Variants in WBP11 observed in about 807,000 individuals in gnomAD.
WBP11 encodes the protein WW domain binding protein 11.
In WBP11, 12 loss-of-function variants were observed where a neutral mutation model predicts 66.7. The ratio of observed to expected loss-of-function variants is 0.18; its 90% confidence interval spans 0.12 to 0.29. The LOEUF is 0.29. Ranked by LOEUF, WBP11 falls within the 10% of genes least tolerant of loss-of-function variation. WBP11 has a pLI of 1.00. For missense variants in WBP11, 555 were observed against 818.3 expected (o/e 0.68, Z 3.93); for synonymous variants, 255 against 273.8 (o/e 0.93, Z 0.68).
Position 14,789,092 on chromosome 12 carries a change from G to A in WBP11, c.1351C>T (p.Arg451Ter), listed in dbSNP as rs1435372400. Residue 451 changes from arginine to a stop codon, truncating the protein, a stop_gained, in exon 11 of 12, where the codon CGA becomes TGA. Coordinates refer to ENST00000261167, the MANE Select transcript of WBP11 (RefSeq NM_016312.3). LOFTEE classifies it high-confidence loss of function. ...FLRPPGMPGL[R>*]GPLPRLLPPG... ...GGTAAAAGTCGGGGTAAGGGCCCTC[G>A]GAGTCCTGGCATTCCAGGTGGTCTC... The A allele has an allele frequency of 6.6e-7, 1 of 1,525,006 alleles. No homozygotes were observed. The highest frequency in any genetic ancestry group is 8.7e-7 in the Non-Finnish European group (1 of 1,148,514). The allele number at this position is 1,525,006 out of a possible 1,614,324, so 94.5% of individuals were successfully genotyped here.
intron 8 of WBP11, among the ~76,000 whole-genome samples, chr12:14,792,786 T>C (rs947743401): frequency 6.6e-6 from 1 of 151,376 alleles, no homozygotes; most frequent in Non-Finnish European, 1.5e-5. Context: ...TGAGCTGAGA[T>C]TGTGCCATTG....
At chr12:14,789,715 G>A (rs1949799099) in intron 10 of WBP11, among the ~76,000 whole-genome samples, 1 of 152,186 alleles carries the variant, frequency 6.6e-6, no homozygotes. Context: ...ATACAAAGGT[G>A]ATAAGAATTC....
At chr12:14,787,624 G>A in intron 11 of WBP11, 126 bp from the exon 12 acceptor site, 1 of 856,100 alleles carries the variant, frequency 1.2e-6, no homozygotes, top group Non-Finnish European at 1.6e-6. Flanking sequence ...AAAATAAGCT[G>A]AATTCATATT....
chr12:14,795,329 CTCT>C (rs1949880161), intron 5 of WBP11, among the ~76,000 whole-genome samples: 1 of 152,068 alleles, frequency 6.6e-6, no homozygotes, highest in South Asian at 2.1e-4. Context: ...TTTTTTTCTC[CTCT>C]TATCAGGTAA....
rs564762602 is a variant in WBP11 at position 14,795,006 on chromosome 12, C to T, written c.486G>A (p.Gln162=). The T allele has an allele frequency of 4.2e-5, 68 of 1,612,372 alleles. 2 individuals carry two copies. In the South Asian group the frequency reaches 7.3e-4, roughly 17 times the overall value. The stretch of plus-strand genomic sequence containing the variant: ...AGGTTTTCTTTAGGATAGAGGGTGG[C>T]TGGGCACCAGGAAGTGGAATGTCCT... ...LIQDIPLPGA[Q]PPSILKKTSA... is the part of the protein sequence containing the mutation. Residue 162 remains glutamine, a synonymous_variant, in exon 6 of 12, where the codon CAG becomes CAA. Transcript: ENST00000261167.
rs746154296 is a variant in WBP11 at position 14,801,404 on chromosome 12, A to G, written c.-21T>C. On this transcript the variant is annotated 5_prime_UTR_variant, in exon 2 of 12. The change abolishes the stop of an existing upstream ORF in the 5' untranslated region. Coordinates refer to ENST00000261167, the MANE Select transcript of WBP11 (RefSeq NM_016312.3). ...CCCATGTTGACAATTTGTATGGTTT[A>G]CTTGTTCATTAAAAAAAGAAAAACC... is the stretch of plus-strand genomic sequence containing the variant. 2 of 1,610,386 alleles carry G rather than the reference A, an allele frequency of 1.2e-6. No homozygotes were observed. The highest frequency in any genetic ancestry group is 1.1e-5 in the South Asian group (1 of 90,970).
chr12:14,796,086 T>C lies in WBP11; in HGVS notation c.387+721A>G, dbSNP rs1215620300. Reference sequence around the variant, plus strand: ...GCTACATTTTTTTTTCCTGCACAGATTATCTGTGACTATTCTAGAATTTCA... The same window carrying C: ...GCTACATTTTTTTTTCCTGCACAGACTATCTGTGACTATTCTAGAATTTCA... On this transcript the variant is annotated intron_variant, in intron 5 of 11. Coordinates refer to ENST00000261167, the MANE Select transcript of WBP11 (RefSeq NM_016312.3). The surrounding 1 kb of genome is among the most constrained non-coding windows in gnomAD (Gnocchi z 4.5). 6.6e-6 allele frequency among the ~76,000 whole-genome samples: 1 copy of C among 152,172 alleles called. No homozygotes were observed.
At chr12:14,797,313 C>T (rs73053461) in intron 4 of WBP11, among the ~76,000 whole-genome samples, 2,035 of 152,214 alleles carry the variant, frequency 0.013, 23 homozygotes, top group Middle Eastern at 0.031. Context: ...TTGTGTTTAC[C>T]TACTACGTTA....
chr12:14,792,513 C>T (rs1158908643), intron 8 of WBP11, among the ~76,000 whole-genome samples: 1 of 134,526 alleles, frequency 7.4e-6, no homozygotes, highest in Non-Finnish European at 1.7e-5. Flanking sequence ...CGGCCATTTT[C>T]AGAACATGTG....
Position 14,787,463 on chromosome 12 carries a change from G to T in WBP11, c.1528C>A (p.Pro510Thr), listed in dbSNP as rs1246882921. The T allele has an allele frequency of 6.6e-7, 1 of 1,522,816 alleles. No individual in the cohort carries two copies. Among genetic ancestry groups the T allele is most frequent in the East Asian group, 2.3e-5 (1 of 44,042 alleles). The allele number at this position is 1,522,816 out of a possible 1,614,324, so 94.3% of individuals were successfully genotyped here. The part of the protein sequence containing the change: ...PPPRPGMMRP[P>T]LVPPLGPAPP... ...GCAGGTCCAAGGGGAGGCACCAAAG[G>T]TGGGCGCATCATGCCAGGACGAGGT... The change falls in exon 12 of 12, where the codon CCT becomes ACT. Residue 510 changes from proline to threonine, a missense_variant. Around this residue, in one of 6 missense-constraint regions of WBP11, gnomAD observed 230 missense variants for 286.3 expected, o/e 0.80. Coordinates refer to ENST00000261167, the MANE Select transcript of WBP11 (RefSeq NM_016312.3).
chr12:14,801,560 G>T (rs1949962915), intron 1 of WBP11, 132 bp from the exon 2 acceptor site: 1 of 564,600 alleles, frequency 1.8e-6, no homozygotes, highest in Non-Finnish European at 3.1e-6. Flanking sequence ...CCTTAGTTTT[G>T]ACTTTAATGT....
Position 14,803,369 on chromosome 12 carries a change from A to C in WBP11, c.-63T>G, listed in dbSNP as rs1949995802. ...ACACTCACACTTCTGCTGTGCTCCC[A>C]GGACTACGAGAAGCGGGTAGGGGGC... On this transcript the variant is annotated 5_prime_UTR_variant, in exon 1 of 12. Transcript: ENST00000261167. 1 of 398,578 alleles carries C rather than the reference A, an allele frequency of 2.5e-6. No individual in the cohort carries two copies. The highest frequency in any genetic ancestry group is 4.4e-5 in the Admixed American group (1 of 22,722). 24.7% of individuals were successfully genotyped at this position (398,578 alleles called of 1,614,324 possible). A position where few individuals can be genotyped will look rare whatever the true frequency, so the allele number is the denominator to read the frequency against.
intron 4 of WBP11, among the ~76,000 whole-genome samples, chr12:14,797,410 C>A (rs1215675523): frequency 6.6e-6 from 1 of 152,178 alleles, no homozygotes; most frequent in Non-Finnish European, 1.5e-5. Context: ...ACGTTAATCA[C>A]TTTGTAATAA....
In WBP11 at chr12:14,789,125, G is replaced by C; in HGVS notation, c.1318C>G (p.Pro440Ala). ...GGCATTCCAGGTGGTCTCAGGAATGGAGGAGCTCCTGAAAAGAGAAAAATG... is the reference window on the plus strand; with the variant it reads ...GGCATTCCAGGTGGTCTCAGGAATGCAGGAGCTCCTGAAAAGAGAAAAATG... ...LPPGPPPGAPPFLRPPGMPGL... is the reference protein window; with the variant it reads ...LPPGPPPGAPAFLRPPGMPGL... Residue 440 changes from proline to alanine, a missense_variant, in exon 11 of 12, where the codon CCA becomes GCA. Coordinates refer to ENST00000261167, the MANE Select transcript of WBP11 (RefSeq NM_016312.3). 6.5e-7 allele frequency: 1 copy of C among 1,532,680 alleles called. No homozygotes were observed. The highest frequency in any genetic ancestry group is 8.7e-7 in the Non-Finnish European group (1 of 1,150,460). The allele number at this position is 1,532,680 out of a possible 1,614,324, so 94.9% of individuals were successfully genotyped here.
At chr12:14,800,682 C>A in intron 3 of WBP11, 70 bp downstream of exon 3, 2 of 1,332,162 alleles carry the variant, frequency 1.5e-6, no homozygotes, top group South Asian at 1.3e-5. Context: ...ATTCTGAAAC[C>A]CACTAATCCC....
chr12:14,803,022 T>C (rs1441480802), intron 1 of WBP11, among the ~76,000 whole-genome samples: 3 of 152,028 alleles, frequency 2.0e-5, no homozygotes, highest in Non-Finnish European at 2.9e-5. Flanking sequence ...TGGGATAGGG[T>C]CCAGGTTCAC....
At chr12:14,799,223 T>C (rs1179409974) in intron 4 of WBP11, among the ~76,000 whole-genome samples, 1 of 152,180 alleles carries the variant, frequency 6.6e-6, no homozygotes, top group Non-Finnish European at 1.5e-5. Context: ...TTTTGGATCT[T>C]CTGATTGGAA....
chr12:14,790,814 A>G, intron 9 of WBP11, 65 bp from the exon 10 acceptor site: 3 of 1,442,178 alleles, frequency 2.1e-6, no homozygotes, highest in Non-Finnish European at 2.8e-6. Flanking sequence ...GAGAACAGCA[A>G]TGACTGAATA....
At position 14,793,872 on chromosome 12, in the gene WBP11, A is replaced by G; in HGVS notation, c.772T>C (p.Tyr258His). The G allele has an allele frequency of 1.2e-6, 2 of 1,613,828 alleles. No individual in the cohort carries two copies. Among genetic ancestry groups the G allele is most frequent in the Admixed American group, 1.7e-5 (1 of 59,996 alleles). Residue 258 changes from tyrosine to histidine, a missense_variant, in exon 8 of 12, where the codon TAT becomes CAT. Physicochemically the swap from Tyr to His is moderately conservative, Grantham distance 83 (BLOSUM62 2). This residue lies in a region of WBP11 where 220 missense variants were observed against 268.2 expected (regional missense o/e 0.82). Coordinates refer to ENST00000261167, the MANE Select transcript of WBP11 (RefSeq NM_016312.3). ...DVSSTSEDDGYPEDMDQDKHD... is the reference protein window; with the variant it reads ...DVSSTSEDDGHPEDMDQDKHD... ...TTATCTTGATCCATGTCCTCAGGAT[A>G]GCCATCATCTTCACTGGTGCTAGAA...
Sources: gnomAD v4.1 joint callset for allele counts (sites outside exome capture counted in the v4.1 genomes callset) on GRCh38, gnomAD v4.1.1 for gene constraint, gnomAD v4.1.1 regional missense constraint, Gnocchi (gnomAD v3.1) non-coding constraint, MANE v1.5 for transcripts, NCBI Gene and HGNC (gene_info 2026-07-23, HGNC 2026-07-21) for gene names.